Variants in KREMEN1 observed in about 807,000 individuals in gnomAD.
KREMEN1 encodes kringle containing transmembrane protein 1, also known as kremen protein 1.
A neutral mutation model predicts 46.5 loss-of-function variants in KREMEN1; 30 were observed. That is an observed-to-expected ratio of 0.65 (90% CI 0.48 to 0.88). The LOEUF (loss-of-function observed/expected upper bound fraction) is 0.88, where lower values mean the gene tolerates loss of function less well. Among genes scored for constraint, KREMEN1 ranks in the 40% least tolerant of loss-of-function variants. KREMEN1 has a pLI of 0.00. For missense variants in KREMEN1, 533 were observed against 596.9 expected (o/e 0.89, Z 1.11); for synonymous variants, 214 against 230.6 (o/e 0.93, Z 0.65).
chr22:29,155,185 C>T (rs1256048752), intron 9 of KREMEN1, among the ~76,000 whole-genome samples: 2 of 152,086 alleles, frequency 1.3e-5, no homozygotes, highest in Admixed American at 6.5e-5. Flanking sequence ...CCAGCAAAGT[C>T]CTGCAAGTTC....
rs966369128 is a variant in KREMEN1, at chr22:29,144,421, CAGGCCCCGTGGG to C, written c.*2315_*2326del. 1.0e-6 allele frequency: 1 copy of C among 985,450 alleles called. No individual in the cohort carries two copies. The highest frequency in any genetic ancestry group is 1.7e-5 in the African/African-American group (1 of 57,248). 61.0% of individuals were successfully genotyped at this position (985,450 alleles called of 1,614,324 possible). Reference sequence around the variant, plus strand: ...GCAGGCAGGGGCAGGACTGCCACCCCAGGCCCCGTGGGAGGCCTGCTGAGGGCACAGAGCTGC... The same window carrying C: ...GCAGGCAGGGGCAGGACTGCCACCCCAGGCCTGCTGAGGGCACAGAGCTGC... On this transcript the variant is annotated 3_prime_UTR_variant, in exon 9 of 9. Transcript: ENST00000400335.
Position 29,142,234 on chromosome 22 carries a change from G to C in KREMEN1, c.*122G>C. On this transcript the variant is annotated 3_prime_UTR_variant, in exon 9 of 9. Transcript: ENST00000400335. Reference sequence around the variant, plus strand: ...CCTCTCCCTCTGCCTCGGCCTCTTCGGGGAAACCCTCCTCCTACAGACTAG... The same window carrying C: ...CCTCTCCCTCTGCCTCGGCCTCTTCCGGGAAACCCTCCTCCTACAGACTAG... The C allele has an allele frequency of 2.2e-6, 3 of 1,387,756 alleles. No homozygotes were observed. Among genetic ancestry groups the C allele is most frequent in the Non-Finnish European group, 2.8e-6 (3 of 1,074,338 alleles). 86.0% of individuals were successfully genotyped at this position (1,387,756 alleles called of 1,614,324 possible). A position where few individuals can be genotyped will look rare whatever the true frequency, so the allele number is the denominator to read the frequency against.
In KREMEN1 at chr22:29,142,326, G is replaced by A. The variant is rs2038777754; in HGVS notation, c.*214G>A. Reference sequence around the variant, plus strand: ...CTCCTGCTTCATCGATTGCACTTAGGAGAGAGACTCAAAGCCCTGGGGCCC... The same window carrying A: ...CTCCTGCTTCATCGATTGCACTTAGAAGAGAGACTCAAAGCCCTGGGGCCC... On this transcript the variant is annotated 3_prime_UTR_variant, in exon 9 of 9. Coordinates refer to ENST00000400335, the MANE Select transcript of KREMEN1 (RefSeq NM_001039570.3). 6 of 1,260,738 alleles carry A rather than the reference G, an allele frequency of 4.8e-6. No homozygotes were observed. The South Asian group carries it at 8.6e-5, about 18-fold the overall frequency. 78.1% of individuals were successfully genotyped at this position (1,260,738 alleles called of 1,614,324 possible). A position where few individuals can be genotyped will look rare whatever the true frequency, so the allele number is the denominator to read the frequency against.
intron 8 of KREMEN1, 22 bp downstream of exon 8, chr22:29,140,388 C>T (rs770004526): frequency 6.4e-7 from 1 of 1,551,882 alleles, no homozygotes; most frequent in African/African-American, 1.4e-5. Flanking sequence ...AGGGAGCTGC[C>T]CAATTCCAGG....
At chr22:29,100,614 T>G (rs2037961923) in intron 3 of KREMEN1, among the ~76,000 whole-genome samples, 1 of 152,232 alleles carries the variant, frequency 6.6e-6, no homozygotes, top group Non-Finnish European at 1.5e-5. Flanking sequence ...AGTAAACAAC[T>G]ATGTTACTGG....
At chr22:29,097,204 C>T (rs8138963) in intron 2 of KREMEN1, among the ~76,000 whole-genome samples, 2,627 of 152,344 alleles carry the variant, frequency 0.017, 77 homozygotes, top group African/African-American at 0.06. Flanking sequence ...GGAGTGTCAG[C>T]TTTCCAGTGT....
At chr22:29,114,462 T>C (rs12329960) in intron 3 of KREMEN1, among the ~76,000 whole-genome samples, 107,815 of 143,642 alleles carry the variant, frequency 0.75, 40,878 homozygotes, top group African/African-American at 0.88. Context: ...CTCCAGCCTG[T>C]GCAACAAGAG....
At chr22:29,156,189 C>T (rs1011807812) in intron 9 of KREMEN1, among the ~76,000 whole-genome samples, 1 of 152,214 alleles carries the variant, frequency 6.6e-6, no homozygotes, top group Non-Finnish European at 1.5e-5. Context: ...CATGCCACTG[C>T]CCTGCCCCAC....
rs1328725043 is a variant in KREMEN1 at position 29,146,024 on chromosome 22, A to C, written c.*3912A>C. 3.0e-6 allele frequency: 3 copies of C among 985,250 alleles called. No individual in the cohort carries two copies. In the African/African-American group the frequency reaches 5.2e-5, roughly 17 times the overall value. 61.0% of individuals were successfully genotyped at this position (985,250 alleles called of 1,614,324 possible). ...TGGCACTGCACGCTTACTCTTCACA[A>C]GCACTTATACGCGGATGGCCTCCGA... On this transcript the variant is annotated 3_prime_UTR_variant, in exon 9 of 9. Transcript: ENST00000400335.
intron 5 of KREMEN1, among the ~76,000 whole-genome samples, chr22:29,128,403 AG>A (rs2038478876): frequency 6.6e-6 from 1 of 152,212 alleles, no homozygotes; most frequent in Admixed American, 6.5e-5. Context: ...AAGAAGAAAT[AG>A]AATGTAGTTT....
chr22:29,087,152 T>A (rs1269980283), intron 1 of KREMEN1, among the ~76,000 whole-genome samples: 1 of 152,194 alleles, frequency 6.6e-6, no homozygotes, highest in Non-Finnish European at 1.5e-5. Context: ...ACGAAGGATA[T>A]TCTCATTGGA....
Position 29,144,934 on chromosome 22 carries a change from T to C in KREMEN1, c.*2822T>C. 2.0e-6 allele frequency: 2 copies of C among 985,528 alleles called. No individual in the cohort carries two copies. The highest frequency in any genetic ancestry group is 2.4e-6 in the Non-Finnish European group (2 of 830,008). 61.0% of individuals were successfully genotyped at this position (985,528 alleles called of 1,614,324 possible). On this transcript the variant is annotated 3_prime_UTR_variant, in exon 9 of 9. Transcript: ENST00000400335. ...CAGCGCTTCTCTTCCTGCCTCGCCC[T>C]GGCATGGCCCAGCGCCTCTAGGATC...
chr22:29,088,849 G>GCTT (rs1363803914), intron 1 of KREMEN1, among the ~76,000 whole-genome samples: 1 of 152,156 alleles, frequency 6.6e-6, no homozygotes. Flanking sequence ...AAGGAGGTTA[G>GCTT]GCAAGTGCTT....
intron 5 of KREMEN1, among the ~76,000 whole-genome samples, chr22:29,135,303 T>C (rs1354602361): frequency 6.6e-6 from 1 of 152,058 alleles, no homozygotes; most frequent in Non-Finnish European, 1.5e-5. Flanking sequence ...GAAATTTGGG[T>C]TTGTGAAATG....
intron 5 of KREMEN1, among the ~76,000 whole-genome samples, chr22:29,128,802 G>A (rs2038486564): frequency 1.3e-5 from 2 of 152,230 alleles, no homozygotes; most frequent in African/African-American, 4.8e-5. Flanking sequence ...GTCTATGCTA[G>A]TAAGTGCCAG....
chr22:29,092,444 T>C (rs1024263599), intron 1 of KREMEN1, among the ~76,000 whole-genome samples: 1 of 152,126 alleles, frequency 6.6e-6, no homozygotes, highest in Non-Finnish European at 1.5e-5. Flanking sequence ...ATATTAGAAG[T>C]GATTTGGATG....
At chr22:29,130,563 G>A (rs775236676) in intron 5 of KREMEN1, among the ~76,000 whole-genome samples, 5 of 152,134 alleles carry the variant, frequency 3.3e-5, no homozygotes, top group Non-Finnish European at 5.9e-5. Context: ...TCCATCCTGA[G>A]TGGAATCTGA....
At chr22:29,157,544 G>A (rs1383868717) in intron 9 of KREMEN1, among the ~76,000 whole-genome samples, 5 of 152,132 alleles carry the variant, frequency 3.3e-5, no homozygotes, top group Non-Finnish European at 7.4e-5. Context: ...CACCATGTTG[G>A]CCAGGCTGGT....
At position 29,142,287 on chromosome 22, in the gene KREMEN1, C is replaced by T. The variant is rs1426561376; in HGVS notation, c.*175C>T. 4.5e-6 allele frequency: 6 copies of T among 1,326,134 alleles called. No individual in the cohort carries two copies. Among genetic ancestry groups the T allele is most frequent in the Non-Finnish European group, 5.8e-6 (6 of 1,043,342 alleles). 82.1% of individuals were successfully genotyped at this position (1,326,134 alleles called of 1,614,324 possible). A position where few individuals can be genotyped will look rare whatever the true frequency, so the allele number is the denominator to read the frequency against. ...AGAGGCACCCTGCTGCCAGGGCAGG[C>T]AGAGCCTGGATTCCTCCTGCTTCAT... On this transcript the variant is annotated 3_prime_UTR_variant, in exon 9 of 9. Transcript: ENST00000400335.
Sources: gnomAD v4.1 joint callset for allele counts (sites outside exome capture counted in the v4.1 genomes callset) on GRCh38, gnomAD v4.1.1 for gene constraint, MANE v1.5 for transcripts, NCBI Gene and HGNC (gene_info 2026-07-23, HGNC 2026-07-21) for gene names.